The following PTPRN2 variants were observed in gnomAD, a reference collection of about 807,000 sequenced individuals.
PTPRN2 encodes protein tyrosine phosphatase receptor type N2.
A neutral mutation model predicts 118.8 loss-of-function variants in PTPRN2; 74 were observed. The observed-to-expected ratio is 0.62, with a 90% CI of 0.52 to 0.76. The LOEUF (loss-of-function observed/expected upper bound fraction) is 0.76. Ranked by LOEUF, PTPRN2 falls within the 30% of genes least tolerant of loss-of-function variation. The pLI is 0.00. For synonymous variants in PTPRN2, 641 were observed against 608.0 expected, an observed-to-expected ratio of 1.05 and a Z score of -0.80; for missense variants, 1,481 against 1,394.4, an observed-to-expected ratio of 1.06 and a Z score of -0.99.
intron 1 of PTPRN2, among the ~76,000 whole-genome samples, chr7:158,511,490 C>A (rs1823175640): frequency 6.6e-6 from 1 of 152,204 alleles, no homozygotes; most frequent in Admixed American, 6.5e-5. Context: ...GAACAAAGAA[C>A]AAGGGTCCCA....
At chr7:158,149,077 C>T (rs1820581472) in intron 6 of PTPRN2, among the ~76,000 whole-genome samples, 10 of 143,060 alleles carry the variant, frequency 7.0e-5, no homozygotes, top group South Asian at 2.3e-4. Flanking sequence ...TGTCATTCCC[C>T]CTCACTGACA....
intron 8 of PTPRN2, among the ~76,000 whole-genome samples, chr7:158,134,970 T>G (rs1426355354): frequency 6.6e-6 from 1 of 152,088 alleles, no homozygotes; most frequent in East Asian, 1.9e-4. Context: ...AAAGACATGA[T>G]CTCCACCCCT....
chr7:158,158,242 TA>T (rs1014048566), intron 6 of PTPRN2, among the ~76,000 whole-genome samples: 1 of 152,154 alleles, frequency 6.6e-6, no homozygotes, highest in Admixed American at 6.5e-5. Context: ...TGGTATCAGT[TA>T]TTTCTGTGTT....
intron 1 of PTPRN2, among the ~76,000 whole-genome samples, chr7:158,549,023 G>A (rs1826471955): frequency 6.6e-6 from 1 of 152,206 alleles, no homozygotes; most frequent in African/African-American, 2.4e-5. Context: ...CTCCAAAGAG[G>A]AGATGCAGAC....
intron 3 of PTPRN2, among the ~76,000 whole-genome samples, chr7:158,315,259 G>A (rs75028848): frequency 1.4e-3 from 87 of 64,304 alleles, no homozygotes; most frequent in African/African-American, 2.9e-3. Flanking sequence ...AGGTGAACCC[G>A]GGACCCCCTG....
In PTPRN2 at chr7:157,582,874, CA is replaced by C. The variant is rs112054959; in HGVS notation, c.2497-4735del. On this transcript the variant is annotated intron_variant, in intron 17 of 22. Coordinates refer to ENST00000389418, the MANE Select transcript of PTPRN2 (RefSeq NM_002847.5). The stretch of plus-strand genomic sequence containing the variant: ...GGGTAACAAGAGCAAAACTCCACCT[CA>C]AAAAAAAAAAACAAAACAAAAAAAA... Among the ~76,000 whole-genome samples the C allele has an allele frequency of 1.1e-3, 129 of 117,542 alleles. 1 individual carries two copies. The highest frequency in any genetic ancestry group is 1.7e-3 in the South Asian group (6 of 3,444). The allele number at this position is 117,542 out of a possible 152,430, so 77.1% of individuals were successfully genotyped here.
intron 9 of PTPRN2, among the ~76,000 whole-genome samples, chr7:158,128,206 C>A (rs1226207658): frequency 6.6e-6 from 1 of 152,176 alleles, no homozygotes; most frequent in Non-Finnish European, 1.5e-5. Flanking sequence ...TGAAAACTTG[C>A]CCAAGAGAAT....
chr7:158,506,821 G>A lies in PTPRN2; in HGVS notation c.113-17036C>T, dbSNP rs570992069. Among the ~76,000 whole-genome samples, 44 of 152,166 alleles carry A rather than the reference G, an allele frequency of 2.9e-4. No individual in the cohort carries two copies. The South Asian group carries it at 4.3e-3, about 15-fold the overall frequency. On this transcript the variant is annotated intron_variant, in intron 1 of 22. Transcript: ENST00000389418. ...CTCACTCCCCCGCCCCTCCGCCATC[G>A]CCATAGGAAGGACACACCTGGGCCA...
At chr7:158,575,162 AT>A (rs1406806423) in intron 1 of PTPRN2, among the ~76,000 whole-genome samples, 5 of 152,184 alleles carry the variant, frequency 3.3e-5, no homozygotes, top group African/African-American at 1.2e-4. Flanking sequence ...GTTCGTACTT[AT>A]TTTATCTACA....
intron 12 of PTPRN2, among the ~76,000 whole-genome samples, chr7:157,786,060 C>G (rs1486383925): frequency 6.6e-6 from 1 of 152,128 alleles, no homozygotes; most frequent in Non-Finnish European, 1.5e-5. Context: ...CTGTGGGGCA[C>G]GAGCGTTAGC....
Position 157,627,788 on chromosome 7 carries a change from T to C in PTPRN2, c.2197-6279A>G, listed in dbSNP as rs1396546035. 2.0e-5 allele frequency among the ~76,000 whole-genome samples: 3 copies of C among 152,078 alleles called. No homozygotes were observed. The highest frequency in any genetic ancestry group is 7.2e-5 in the African/African-American group (3 of 41,398). ...GAGAAAGCTACGGGGACTCAGGAAG[T>C]GGGTTTCCCAAGGGTGTTGCCAACA... is the stretch of plus-strand genomic sequence containing the variant. On this transcript the variant is annotated intron_variant, in intron 14 of 22. Transcript: ENST00000389418. The surrounding 1 kb of genome is among the most constrained non-coding windows in gnomAD (Gnocchi z 4.2).
At chr7:157,982,143 CAT>C (rs1563295788) in intron 11 of PTPRN2, among the ~76,000 whole-genome samples, 1 of 112,352 alleles carries the variant, frequency 8.9e-6, no homozygotes, top group Non-Finnish European at 2.0e-5. Context: ...CAGCGTCCCC[CAT>C]AAACCCCGAG....
At chr7:158,515,502 T>G (rs796267509) in intron 1 of PTPRN2, among the ~76,000 whole-genome samples, 2 of 152,270 alleles carry the variant, frequency 1.3e-5, no homozygotes, top group African/African-American at 4.8e-5. Context: ...AATGTAATTT[T>G]TAAAATCCAG....
At chr7:157,710,476 C>T (rs944032581) in intron 12 of PTPRN2, among the ~76,000 whole-genome samples, 8 of 147,660 alleles carry the variant, frequency 5.4e-5, no homozygotes, top group South Asian at 4.3e-4. Flanking sequence ...GCTGCCTAAC[C>T]GCCCCCACCC....
intron 2 of PTPRN2, among the ~76,000 whole-genome samples, chr7:158,475,511 G>T (rs1219175292): frequency 1.3e-5 from 2 of 152,084 alleles, no homozygotes; most frequent in Non-Finnish European, 2.9e-5. Flanking sequence ...CCAAGGACGG[G>T]CCCACTCAGC....
chr7:157,578,158 C>G lies in PTPRN2; in HGVS notation c.2497-18G>C. 6.3e-7 allele frequency: 1 copy of G among 1,597,138 alleles called. No individual in the cohort carries two copies. Among genetic ancestry groups the G allele is most frequent in the Non-Finnish European group, 8.6e-7 (1 of 1,169,252 alleles). Reference sequence around the variant, plus strand: ...CACACCATCTGCGGACAAAGAAGGCCCGTGGCCGCGGTGTGACTGTCTCAT... The same window carrying G: ...CACACCATCTGCGGACAAAGAAGGCGCGTGGCCGCGGTGTGACTGTCTCAT... On this transcript the variant is annotated intron_variant, in intron 17 of 22. Coordinates refer to ENST00000389418, the MANE Select transcript of PTPRN2 (RefSeq NM_002847.5).
intron 6 of PTPRN2, among the ~76,000 whole-genome samples, chr7:158,139,123 A>C (rs1339572891): frequency 1.3e-5 from 2 of 152,196 alleles, no homozygotes; most frequent in East Asian, 3.9e-4. Flanking sequence ...CCCCCACTTC[A>C]CACAAGCAGC....
intron 3 of PTPRN2, among the ~76,000 whole-genome samples, chr7:158,311,078 G>A (rs1801688359): frequency 6.6e-6 from 1 of 152,174 alleles, no homozygotes; most frequent in Admixed American, 6.5e-5. Context: ...GGTAAAACAA[G>A]ACAGGCGAGC....
intron 12 of PTPRN2, among the ~76,000 whole-genome samples, chr7:157,683,874 G>C (rs1334163201): frequency 2.0e-5 from 3 of 152,126 alleles, no homozygotes; most frequent in Non-Finnish European, 4.4e-5. Flanking sequence ...GTGAATGGGG[G>C]AGCACGCCCG....
Sources: gnomAD v4.1 joint callset for allele counts (sites outside exome capture counted in the v4.1 genomes callset) on GRCh38, gnomAD v4.1.1 for gene constraint, Gnocchi (gnomAD v3.1) non-coding constraint, MANE v1.5 for transcripts, NCBI Gene and HGNC (gene_info 2026-07-23, HGNC 2026-07-21) for gene names.